Variants in USP15 observed in about 807,000 individuals in gnomAD.
The protein encoded by USP15 is ubiquitin carboxyl-terminal hydrolase 15.
In USP15, 18 loss-of-function variants were observed where a neutral mutation model predicts 127.1. The observed-to-expected ratio is 0.14, with a 90% CI of 0.10 to 0.21. USP15 has a LOEUF of 0.21. Among genes scored for constraint, USP15 ranks in the 10% least tolerant of loss-of-function variants. USP15 has a pLI of 1.00. For missense variants in USP15, 805 were observed against 1,159.9 expected (o/e 0.69, Z 4.44); for synonymous variants, 364 against 393.7 (o/e 0.92, Z 0.89).
chr12:62,391,881 G>A lies in USP15; in HGVS notation c.2299G>A (p.Ala767Thr). The A allele has an allele frequency of 6.2e-7, 1 of 1,608,092 alleles. No homozygotes were observed. The highest frequency in any genetic ancestry group is 8.5e-7 in the Non-Finnish European group (1 of 1,176,764). Residue 767 changes from alanine (A) to threonine (T), a missense_variant, in exon 17 of 22, where the codon GCT (alanine) becomes ACT (threonine). By Grantham distance (58) the Ala-to-Thr change is moderately conservative (BLOSUM62 0). Coordinates refer to ENST00000280377, the MANE Select transcript of USP15 (RefSeq NM_001252078.2). ...LKKRYFDENA[A>T]EDFEKHESVE... is the part of the protein sequence containing the mutation. ...AAAAAGATATTTTGATGAAAATGCT[G>A]CTGAGGTAAGTCATCACTCACTCAC...
chr12:62,400,994 A>G (rs530565774), intron 20 of USP15, among the ~76,000 whole-genome samples, 193 bp from the exon 21 acceptor site: 2 of 152,240 alleles, frequency 1.3e-5, no homozygotes, highest in East Asian at 1.9e-4. Context: ...GTTTCAACTT[A>G]CATGAAAATT....
chr12:62,359,146 A>G (rs1476486603), intron 8 of USP15, among the ~76,000 whole-genome samples: 5 of 151,754 alleles, frequency 3.3e-5, no homozygotes, highest in East Asian at 3.9e-4. Context: ...CCAGAACCCC[A>G]TCTGCTTTCC....
intron 4 of USP15, among the ~76,000 whole-genome samples, chr12:62,315,782 C>T (rs1045393576): frequency 1.3e-5 from 2 of 152,108 alleles, no homozygotes; most frequent in Non-Finnish European, 2.9e-5. Context: ...TCATTAACTG[C>T]ATTTGGCTTT....
intron 1 of USP15, among the ~76,000 whole-genome samples, chr12:62,274,932 A>G (rs552603781): frequency 1.3e-5 from 2 of 152,186 alleles, no homozygotes; most frequent in Non-Finnish European, 2.9e-5. Flanking sequence ...CAGCTATCAT[A>G]GTAATCTATG....
chr12:62,403,938 G>A (rs934048072), intron 21 of USP15, among the ~76,000 whole-genome samples: 2 of 152,056 alleles, frequency 1.3e-5, no homozygotes, highest in African/African-American at 2.4e-5. Flanking sequence ...ATCACAGTTA[G>A]AACTGTGATA....
intron 7 of USP15, among the ~76,000 whole-genome samples, chr12:62,351,874 T>TA (rs748922648): frequency 6.6e-6 from 1 of 151,498 alleles, no homozygotes; most frequent in Non-Finnish European, 1.5e-5. Flanking sequence ...TAAGCATTCG[T>TA]AAAATGGAAA....
chr12:62,319,227 GATCACATGA>G (rs2064917299), intron 4 of USP15, among the ~76,000 whole-genome samples: 1 of 151,998 alleles, frequency 6.6e-6, no homozygotes, highest in South Asian at 2.1e-4. Flanking sequence ...CAAACAACCA[GATCACATGA>G]GAACTCACTC....
chr12:62,325,726 T>G, intron 5 of USP15, 146 bp from the exon 6 acceptor site: 1 of 561,878 alleles, frequency 1.8e-6, no homozygotes, highest in Non-Finnish European at 3.0e-6. Flanking sequence ...GGAATCGAAA[T>G]GCAGATTACC....
intron 3 of USP15, among the ~76,000 whole-genome samples, chr12:62,311,534 G>A (rs1429613726): frequency 5.3e-5 from 8 of 151,622 alleles, no homozygotes; most frequent in South Asian, 4.2e-4. Context: ...GTTGTGTTCC[G>A]GTAAAGCACT....
chr12:62,369,243 T>A (rs1468168989), intron 8 of USP15, among the ~76,000 whole-genome samples: 2 of 152,234 alleles, frequency 1.3e-5, no homozygotes, highest in Admixed American at 6.5e-5. Context: ...ACATTTTTAT[T>A]TCATTTATTA....
chr12:62,262,662 C>T (rs1048461367), intron 1 of USP15, among the ~76,000 whole-genome samples: 6 of 151,626 alleles, frequency 4.0e-5, no homozygotes, highest in South Asian at 2.1e-4. Context: ...TATATATGTG[C>T]GTGTGTGTGT....
At chr12:62,354,812 C>T (rs894792898) in intron 7 of USP15, among the ~76,000 whole-genome samples, 2 of 151,866 alleles carry the variant, frequency 1.3e-5, no homozygotes, top group Non-Finnish European at 2.9e-5. Flanking sequence ...TTGCTGGTCT[C>T]GCATAGAAAC....
At position 62,394,866 on chromosome 12, in the gene USP15, A is replaced by AG. The variant is rs1260256364; in HGVS notation, c.2571-1428dup. On this transcript the variant is annotated intron_variant, in intron 19 of 21. Coordinates refer to ENST00000280377, the MANE Select transcript of USP15 (RefSeq NM_001252078.2). ...GACTCCCTCTCAAAAAAAAAAAAAA[A>AG]GAATCAGAAGTAATGACAAACTAGA... Among the ~76,000 whole-genome samples the AG allele has an allele frequency of 6.6e-5, 10 of 152,004 alleles. 1 individual carries two copies. The highest frequency in any genetic ancestry group is 6.6e-4 in the Admixed American group (10 of 15,252).
intron 3 of USP15, among the ~76,000 whole-genome samples, chr12:62,308,941 T>C (rs2064569673): frequency 6.6e-6 from 1 of 152,096 alleles, no homozygotes; most frequent in Non-Finnish European, 1.5e-5. Flanking sequence ...AACTGAATAA[T>C]AATTAAAATA....
intron 1 of USP15, among the ~76,000 whole-genome samples, chr12:62,288,607 C>T (rs753686396): frequency 1.3e-5 from 2 of 152,044 alleles, no homozygotes; most frequent in Non-Finnish European, 2.9e-5. Context: ...TGCCTCTTTT[C>T]TGGCTGTGAC....
At chr12:62,327,851 G>C (rs1430343783) in intron 6 of USP15, 1 of 258,180 alleles carries the variant, frequency 3.9e-6, no homozygotes, top group Non-Finnish European at 7.7e-6. Context: ...GTTGAATAAG[G>C]ATGCCATATA....
At chr12:62,373,197 A>G (rs2066728296) in intron 8 of USP15, among the ~76,000 whole-genome samples, 1 of 152,044 alleles carries the variant, frequency 6.6e-6, no homozygotes, top group Non-Finnish European at 1.5e-5. Context: ...GGCTTTTTTA[A>G]CATTGACATC....
intron 4 of USP15, among the ~76,000 whole-genome samples, chr12:62,321,162 A>G (rs111885891): frequency 0.041 from 6,198 of 152,216 alleles, 170 homozygotes; most frequent in African/African-American, 0.057. Flanking sequence ...GAATTATAGT[A>G]TGTTAAAATT....
chr12:62,267,629 C>T (rs1239449112), intron 1 of USP15, among the ~76,000 whole-genome samples: 6 of 152,042 alleles, frequency 3.9e-5, no homozygotes. Context: ...TGAGAAGACC[C>T]AGATATTAGC....
Sources: allele counts gnomAD v4.1 joint callset (sites outside exome capture counted in the v4.1 genomes callset), GRCh38; gene constraint gnomAD v4.1.1; transcripts MANE v1.5; gene names NCBI Gene and HGNC (gene_info 2026-07-23, HGNC 2026-07-21).